The following POU6F2 variants were observed in gnomAD, a reference collection of about 807,000 sequenced individuals.
POU6F2 encodes POU class 6 homeobox 2.
POU6F2 carries 31 observed loss-of-function variants against 71.3 expected under a neutral mutation model. That is an observed-to-expected ratio of 0.43 (90% CI 0.33 to 0.59). The LOEUF (loss-of-function observed/expected upper bound fraction) is 0.59, where lower values mean the gene tolerates loss of function less well. Among genes scored for constraint, POU6F2 ranks in the 20% least tolerant of loss-of-function variants. POU6F2 has a pLI of 0.04. For missense variants in POU6F2, 783 were observed against 856.8 expected (o/e 0.91, Z 1.07); for synonymous variants, 347 against 355.7 (o/e 0.98, Z 0.27).
At chr7:39,419,054 C>T (rs1787771128) in intron 6 of POU6F2, among the ~76,000 whole-genome samples, 1 of 134,050 alleles carries the variant, frequency 7.5e-6, no homozygotes, top group Non-Finnish European at 1.6e-5. Flanking sequence ...TATGTATACA[C>T]ATATATACAC....
chr7:39,348,251 A>G (rs1786067928), intron 5 of POU6F2, among the ~76,000 whole-genome samples: 1 of 104,198 alleles, frequency 9.6e-6, no homozygotes, highest in Admixed American at 1.1e-4. Flanking sequence ...CACTTCTGCC[A>G]ATAACTAGAT....
At chr7:38,994,689 C>T (rs929944994) in intron 1 of POU6F2, among the ~76,000 whole-genome samples, 4 of 152,046 alleles carry the variant, frequency 2.6e-5, no homozygotes, top group Non-Finnish European at 4.4e-5. Flanking sequence ...TTCCCCACTT[C>T]CCAGTTTTCT....
chr7:39,303,310 G>T (rs1254595499), intron 4 of POU6F2, among the ~76,000 whole-genome samples: 1 of 152,052 alleles, frequency 6.6e-6, no homozygotes, highest in Non-Finnish European at 1.5e-5. Context: ...GCCGCGCCTG[G>T]CTAATTTTTT....
intron 2 of POU6F2, among the ~76,000 whole-genome samples, chr7:39,158,251 T>C (rs1792915382): frequency 6.6e-6 from 1 of 152,172 alleles, no homozygotes; most frequent in Non-Finnish European, 1.5e-5. Flanking sequence ...CACTCCTGAA[T>C]TCAGTAAGTG....
chr7:39,340,109 C>T (rs1244529766), intron 5 of POU6F2, 94 bp downstream of exon 5: 1 of 1,408,016 alleles, frequency 7.1e-7, no homozygotes, highest in Non-Finnish European at 9.5e-7. Context: ...CCACACAAAA[C>T]TTAGCATCCA....
chr7:39,393,590 A>C (rs574397164), intron 5 of POU6F2, among the ~76,000 whole-genome samples: 1 of 152,198 alleles, frequency 6.6e-6, no homozygotes, highest in Non-Finnish European at 1.5e-5. Flanking sequence ...AGATGTTCTA[A>C]GGTTCAGCGG....
At chr7:39,195,267 A>G (rs532457683) in intron 2 of POU6F2, among the ~76,000 whole-genome samples, 1 of 152,238 alleles carries the variant, frequency 6.6e-6, no homozygotes, top group Non-Finnish European at 1.5e-5. Context: ...GCTACTGCCC[A>G]GGAAGAACCA....
chr7:39,228,519 C>T (rs572828341), intron 4 of POU6F2, among the ~76,000 whole-genome samples: 1 of 152,294 alleles, frequency 6.6e-6, no homozygotes, highest in Admixed American at 6.5e-5. Context: ...ATATTCGGTT[C>T]ATAACATTTC....
intron 6 of POU6F2, among the ~76,000 whole-genome samples, chr7:39,408,676 A>T (rs892961179): frequency 3.3e-5 from 5 of 152,370 alleles, no homozygotes; most frequent in African/African-American, 1.2e-4. Context: ...AGAGAAATCA[A>T]TAATGCCTAC....
chr7:39,340,595 C>T (rs1785897634), intron 5 of POU6F2, among the ~76,000 whole-genome samples: 1 of 152,126 alleles, frequency 6.6e-6, no homozygotes, highest in Non-Finnish European at 1.5e-5. Flanking sequence ...AAATTCATGC[C>T]AAGAGCCTCA....
intron 1 of POU6F2, among the ~76,000 whole-genome samples, chr7:39,025,293 C>T (rs1284803451): frequency 6.6e-6 from 1 of 151,942 alleles, no homozygotes; most frequent in African/African-American, 2.4e-5. Flanking sequence ...TTATTTGCAT[C>T]AATCCTAAGC....
chr7:39,430,063 A>G (rs2073541), intron 6 of POU6F2, among the ~76,000 whole-genome samples: 44,525 of 152,080 alleles, frequency 0.29, 6,921 homozygotes, highest in East Asian at 0.52. Flanking sequence ...AAAAGGAATC[A>G]GAGCCAGCAT....
chr7:39,432,969 A>G (rs1048388814), intron 6 of POU6F2, 108 bp from the exon 7 acceptor site: 9 of 1,081,720 alleles, frequency 8.3e-6, no homozygotes, highest in Admixed American at 2.2e-5. Context: ...GCAGATTCTG[A>G]GTCGGCTCCC....
chr7:39,143,764 G>A (rs924853362), intron 2 of POU6F2, among the ~76,000 whole-genome samples: 1 of 152,294 alleles, frequency 6.6e-6, no homozygotes, highest in East Asian at 1.9e-4. Context: ...CTGGGGTGAG[G>A]GTAAAAGGAG....
intron 6 of POU6F2, among the ~76,000 whole-genome samples, chr7:39,429,521 C>G (rs1463406413): frequency 6.6e-6 from 1 of 152,218 alleles, no homozygotes; most frequent in Non-Finnish European, 1.5e-5. Context: ...TACCCCTCCC[C>G]TGCCCCAGCT....
chr7:39,135,302 G>T (rs1164598874), intron 2 of POU6F2, among the ~76,000 whole-genome samples: 1 of 152,138 alleles, frequency 6.6e-6, no homozygotes, highest in Non-Finnish European at 1.5e-5. Context: ...CTAGGCAGAG[G>T]GTCCAGCACT....
chr7:39,079,041 A>C (rs1791057480), intron 1 of POU6F2, among the ~76,000 whole-genome samples: 1 of 152,162 alleles, frequency 6.6e-6, no homozygotes, highest in Non-Finnish European at 1.5e-5. Flanking sequence ...TGGAGAGAAA[A>C]GTAACTCCCA....
chr7:39,323,663 C>G (rs778685117), intron 4 of POU6F2, among the ~76,000 whole-genome samples: 4 of 152,150 alleles, frequency 2.6e-5, no homozygotes, highest in Non-Finnish European at 5.9e-5. Flanking sequence ...ATATTCCCTT[C>G]TTTAAAAAAA....
chr7:39,213,817 G>C (rs1466042519), intron 4 of POU6F2, among the ~76,000 whole-genome samples: 1 of 152,208 alleles, frequency 6.6e-6, no homozygotes, highest in African/African-American at 2.4e-5. Context: ...CATCACGGAG[G>C]TTCCTTGATT....
Sources: gnomAD v4.1 joint callset for allele counts (sites outside exome capture counted in the v4.1 genomes callset) on GRCh38, gnomAD v4.1.1 for gene constraint, MANE v1.5 for transcripts, NCBI Gene and HGNC (gene_info 2026-07-23, HGNC 2026-07-21) for gene names.